Variants in PTPRD observed in about 807,000 individuals in gnomAD.
PTPRD encodes protein tyrosine phosphatase receptor type D.
PTPRD carries 34 observed loss-of-function variants against 214.5 expected under a neutral mutation model. The ratio of observed to expected loss-of-function variants is 0.16; its 90% CI spans 0.12 to 0.21. The LOEUF (loss-of-function observed/expected upper bound fraction) is 0.21. PTPRD is among the 10% of genes least tolerant of loss of function. The probability of loss-of-function intolerance (pLI) is 1.00; values close to 1 mark genes in which losing one functional copy is unlikely to be tolerated. For synonymous variants in PTPRD, 1,128 were observed against 845.7 expected (o/e 1.33, Z -5.79); for missense variants, 2,545 against 2,398.7 (o/e 1.06, Z -1.27).
chr9:9,384,017 A>G (rs1341844168), intron 9 of PTPRD, among the ~76,000 whole-genome samples: 1 of 152,046 alleles, frequency 6.6e-6, no homozygotes, highest in Non-Finnish European at 1.5e-5. Context: ...TCTAATAAGC[A>G]TAAACCTATA....
At chr9:9,973,950 T>A (rs1392847052) in intron 4 of PTPRD, among the ~76,000 whole-genome samples, 2 of 152,192 alleles carry the variant, frequency 1.3e-5, no homozygotes, top group Non-Finnish European at 2.9e-5. Flanking sequence ...ATTGATTTGA[T>A]ATTTTTAAAA....
At chr9:8,340,067 G>A (rs558242896) in intron 42 of PTPRD, among the ~76,000 whole-genome samples, 67 of 152,140 alleles carry the variant, frequency 4.4e-4, no homozygotes, top group Non-Finnish European at 8.2e-4. Flanking sequence ...AAAGAAGTCC[G>A]ACATAAGTCA....
chr9:10,234,328 C>T (rs911081458), intron 3 of PTPRD, among the ~76,000 whole-genome samples: 3 of 151,894 alleles, frequency 2.0e-5, no homozygotes, highest in African/African-American at 7.2e-5. Context: ...TAACAGAGAT[C>T]TGCGGAACAC....
chr9:9,984,777 G>A (rs1400171617), intron 4 of PTPRD, among the ~76,000 whole-genome samples: 1 of 152,080 alleles, frequency 6.6e-6, no homozygotes, highest in Non-Finnish European at 1.5e-5. Flanking sequence ...TGCTGCTGCT[G>A]CTGTCTCTCG....
intron 9 of PTPRD, among the ~76,000 whole-genome samples, chr9:9,269,638 C>T (rs558354375): frequency 1.7e-4 from 26 of 150,980 alleles, no homozygotes; most frequent in Middle Eastern, 3.4e-3. Flanking sequence ...AAAATGTGGT[C>T]GGTGTGTATG....
chr9:9,986,072 TA>T, intron 4 of PTPRD, among the ~76,000 whole-genome samples: 1 of 152,306 alleles, frequency 6.6e-6, no homozygotes, highest in Middle Eastern at 3.4e-3. Flanking sequence ...TTTCACTAAT[TA>T]AAACTGTATT....
chr9:10,316,111 G>C (rs1414750534), intron 3 of PTPRD, among the ~76,000 whole-genome samples: 6 of 132,100 alleles, frequency 4.5e-5, no homozygotes, highest in Admixed American at 2.9e-4. Flanking sequence ...ATGTGTATGT[G>C]TCTATATATA....
intron 12 of PTPRD, among the ~76,000 whole-genome samples, chr9:8,716,578 C>G (rs1026723405): frequency 6.6e-6 from 1 of 152,146 alleles, no homozygotes; most frequent in Non-Finnish European, 1.5e-5. Flanking sequence ...TAGTCGCAGA[C>G]GAGATCCATC....
intron 8 of PTPRD, among the ~76,000 whole-genome samples, chr9:9,477,616 T>G (rs1415790202): frequency 6.6e-6 from 1 of 152,134 alleles, no homozygotes; most frequent in Non-Finnish European, 1.5e-5. Context: ...CCAAAACAAG[T>G]ATGACAATGA....
At chr9:10,066,911 T>A (rs1000209349) in intron 3 of PTPRD, among the ~76,000 whole-genome samples, 3 of 151,738 alleles carry the variant, frequency 2.0e-5, no homozygotes, top group Non-Finnish European at 4.4e-5. Context: ...CTTACAGAAA[T>A]CTCACTCCTT....
intron 11 of PTPRD, among the ~76,000 whole-genome samples, chr9:8,766,920 C>T (rs1337232699): frequency 3.3e-5 from 5 of 152,058 alleles, no homozygotes; most frequent in Non-Finnish European, 7.3e-5. Flanking sequence ...TCATAGGTTT[C>T]GCATAAGGTC....
At chr9:8,653,357 T>C (rs528888629) in intron 12 of PTPRD, among the ~76,000 whole-genome samples, 1 of 152,244 alleles carries the variant, frequency 6.6e-6, no homozygotes, top group African/African-American at 2.4e-5. Flanking sequence ...CAGTTATACT[T>C]TTACTTAGAC....
At chr9:9,579,865 C>T (rs540227951) in intron 7 of PTPRD, among the ~76,000 whole-genome samples, 8 of 152,058 alleles carry the variant, frequency 5.3e-5, no homozygotes, top group Non-Finnish European at 1.2e-4. Context: ...ACTCCCTTAC[C>T]CTCTGAGTTT....
chr9:8,463,829 T>C (rs1030830076), intron 32 of PTPRD, among the ~76,000 whole-genome samples: 8 of 152,042 alleles, frequency 5.3e-5, no homozygotes, highest in Admixed American at 4.6e-4. Context: ...CCTTGGAACA[T>C]TGTTATAAAC....
chr9:9,803,266 A>G (rs74536961), intron 5 of PTPRD, among the ~76,000 whole-genome samples: 1 of 151,586 alleles, frequency 6.6e-6, no homozygotes, highest in Non-Finnish European at 1.5e-5. Context: ...AAAAAAAAAA[A>G]GCAAGTCAGT....
At chr9:8,497,209 C>A in intron 26 of PTPRD, 33 bp downstream of exon 26, 8 of 1,558,198 alleles carry the variant, frequency 5.1e-6, no homozygotes, top group Non-Finnish European at 6.1e-6. Context: ...CATATATAGT[C>A]TGCTTTTGAC....
At chr9:10,561,276 G>A (rs766489689) in intron 2 of PTPRD, among the ~76,000 whole-genome samples, 13 of 152,126 alleles carry the variant, frequency 8.5e-5, no homozygotes, top group African/African-American at 2.7e-4. Flanking sequence ...CGTTTTATAA[G>A]ATGGAAACAG....
At chr9:9,991,840 ACACAC>A in intron 4 of PTPRD, among the ~76,000 whole-genome samples, 2 of 127,600 alleles carry the variant, frequency 1.6e-5, no homozygotes, top group Non-Finnish European at 3.2e-5. Context: ...CACCACACAC[ACACAC>A]ACACACACAC....
At chr9:10,427,965 T>G (rs1467744358) in intron 2 of PTPRD, among the ~76,000 whole-genome samples, 1 of 152,112 alleles carries the variant, frequency 6.6e-6, no homozygotes, top group Non-Finnish European at 1.5e-5. Flanking sequence ...CATGCATGTT[T>G]GTATTTTAAA....
Sources: allele counts gnomAD v4.1 joint callset (sites outside exome capture counted in the v4.1 genomes callset), GRCh38; gene constraint gnomAD v4.1.1; transcripts MANE v1.5; gene names NCBI Gene and HGNC (gene_info 2026-07-23, HGNC 2026-07-21).